EPHX4: variants seen among roughly 807,000 people sequenced by gnomAD.
EPHX4 encodes epoxide hydrolase 4.
A neutral mutation model predicts 44.9 loss-of-function variants in EPHX4; 31 were observed. That is an observed-to-expected ratio of 0.69 (90% CI 0.52 to 0.93). The LOEUF is 0.93. EPHX4 is among the 40% of genes least tolerant of loss of function. The probability of loss-of-function intolerance (pLI) is 0.00; values close to 1 mark genes in which losing one functional copy is unlikely to be tolerated. For missense variants in EPHX4, 373 were observed against 438.1 expected (o/e 0.85, Z 1.33); for synonymous variants, 151 against 159.7 (o/e 0.95, Z 0.41).
intron 4 of EPHX4, among the ~76,000 whole-genome samples, chr1:92,047,340 T>C (rs562180047): frequency 6.6e-6 from 1 of 151,582 alleles, no homozygotes; most frequent in East Asian, 1.9e-4. Flanking sequence ...GCTCAGGAGG[T>C]TGAGGCTGCA....
At chr1:92,055,162 C>G (rs1647335234) in intron 6 of EPHX4, among the ~76,000 whole-genome samples, 1 of 152,020 alleles carries the variant, frequency 6.6e-6, no homozygotes, top group African/African-American at 2.4e-5. Context: ...AAATAGAAAG[C>G]ACAAACTAAA....
intron 2 of EPHX4, among the ~76,000 whole-genome samples, chr1:92,034,907 A>C (rs1301770328): frequency 1.3e-5 from 2 of 152,082 alleles, no homozygotes; most frequent in Non-Finnish European, 2.9e-5. Context: ...GCCTCTCAAA[A>C]TGTTGGGATT....
At chr1:92,034,479 C>T (rs931261437) in intron 2 of EPHX4, among the ~76,000 whole-genome samples, 4 of 151,966 alleles carry the variant, frequency 2.6e-5, no homozygotes, top group African/African-American at 9.7e-5. Flanking sequence ...TTTGAAAGGT[C>T]TAGGACAATA....
intron 6 of EPHX4, among the ~76,000 whole-genome samples, chr1:92,057,205 A>T (rs965185311): frequency 6.6e-6 from 1 of 152,052 alleles, no homozygotes; most frequent in African/African-American, 2.4e-5. Context: ...AAATTAATAC[A>T]ATAAAAAACA....
At chr1:92,044,179 A>G (rs1688551638) in intron 3 of EPHX4, among the ~76,000 whole-genome samples, 3 of 152,290 alleles carry the variant, frequency 2.0e-5, no homozygotes, top group Admixed American at 2.0e-4. Flanking sequence ...ATCTAATGAG[A>G]GCATGGATCA....
At chr1:92,056,913 C>T (rs1207166918) in intron 6 of EPHX4, among the ~76,000 whole-genome samples, 1 of 151,914 alleles carries the variant, frequency 6.6e-6, no homozygotes, top group Non-Finnish European at 1.5e-5. Flanking sequence ...ATAACAATAG[C>T]AACAAACTTT....
intron 2 of EPHX4, among the ~76,000 whole-genome samples, chr1:92,036,042 A>G (rs1688432552): frequency 6.6e-6 from 1 of 152,254 alleles, no homozygotes; most frequent in Non-Finnish European, 1.5e-5. Flanking sequence ...GGGTGTTAAC[A>G]AATCAGCCAA....
intron 4 of EPHX4, among the ~76,000 whole-genome samples, chr1:92,049,375 A>G (rs1647206293): frequency 6.6e-6 from 1 of 151,938 alleles, no homozygotes; most frequent in South Asian, 2.1e-4. Context: ...ACTCCACCCT[A>G]CCATCACTGT....
chr1:92,056,948 T>C (rs573759276), intron 6 of EPHX4, among the ~76,000 whole-genome samples: 2 of 152,144 alleles, frequency 1.3e-5, no homozygotes, highest in East Asian at 3.9e-4. Flanking sequence ...TATACAGAAA[T>C]TTGACTTCTG....
At chr1:92,058,245 C>T (rs543520532) in intron 6 of EPHX4, among the ~76,000 whole-genome samples, 2 of 152,110 alleles carry the variant, frequency 1.3e-5, no homozygotes, top group South Asian at 4.2e-4. Flanking sequence ...AGTTCAACAC[C>T]AGTCTGACCA....
At chr1:92,046,737 C>T (rs1184973310) in intron 4 of EPHX4, among the ~76,000 whole-genome samples, 1 of 152,212 alleles carries the variant, frequency 6.6e-6, no homozygotes, top group Non-Finnish European at 1.5e-5. Context: ...GCTGGGATTA[C>T]AGGCGTGAGC....
chr1:92,050,739 A>G (rs911239852), intron 5 of EPHX4, among the ~76,000 whole-genome samples: 2 of 152,166 alleles, frequency 1.3e-5, no homozygotes, highest in African/African-American at 4.8e-5. Context: ...TTAAAAAAAA[A>G]AAGCCCTAAA....
At chr1:92,039,336 C>T (rs916731323) in intron 2 of EPHX4, among the ~76,000 whole-genome samples, 1 of 151,986 alleles carries the variant, frequency 6.6e-6, no homozygotes, top group Non-Finnish European at 1.5e-5. Flanking sequence ...TAGGCTGCTG[C>T]CTAAATGGAG....
intron 3 of EPHX4, 127 bp from the exon 4 acceptor site, chr1:92,045,405 C>T (rs1292729918): frequency 4.2e-6 from 5 of 1,194,482 alleles, no homozygotes; most frequent in Non-Finnish European, 5.9e-6. Context: ...TCAATATCTG[C>T]ACAAAGTGCA....
intron 3 of EPHX4, 119 bp from the exon 4 acceptor site, chr1:92,045,413 G>C (rs138525166): frequency 2.0e-5 from 25 of 1,263,386 alleles, no homozygotes; most frequent in Non-Finnish European, 2.3e-5. Flanking sequence ...TGCACAAAGT[G>C]CATAATTAGG....
At chr1:92,058,395 C>T (rs1008071349) in intron 6 of EPHX4, among the ~76,000 whole-genome samples, 6 of 150,250 alleles carry the variant, frequency 4.0e-5, no homozygotes, top group Admixed American at 2.0e-4. Flanking sequence ...GAGCCAAGGT[C>T]GCGCCATTGC....
At chr1:92,039,424 T>C (rs1557882251) in intron 2 of EPHX4, among the ~76,000 whole-genome samples, 1 of 152,140 alleles carries the variant, frequency 6.6e-6, no homozygotes, top group East Asian at 1.9e-4. Context: ...AACAGAACTT[T>C]ATTGATTGGG....
chr1:92,058,350 A>G (rs1399830843), intron 6 of EPHX4, among the ~76,000 whole-genome samples: 1 of 151,804 alleles, frequency 6.6e-6, no homozygotes, highest in East Asian at 1.9e-4. Context: ...CTGAGGCAGG[A>G]GAATCAGTTG....
chr1:92,040,320 C>T (rs1367091372), intron 2 of EPHX4, among the ~76,000 whole-genome samples: 1 of 149,584 alleles, frequency 6.7e-6, no homozygotes, highest in East Asian at 2.0e-4. Flanking sequence ...GGACCACAGG[C>T]ACACGACACC....
Sources: allele counts gnomAD v4.1 joint callset (sites outside exome capture counted in the v4.1 genomes callset), GRCh38; gene constraint gnomAD v4.1.1; transcripts MANE v1.5; gene names NCBI Gene and HGNC (gene_info 2026-07-23, HGNC 2026-07-21).